The following BANK1 variants were observed in gnomAD, a reference collection of about 807,000 sequenced individuals.
BANK1 encodes the protein B cell scaffold protein with ankyrin repeats 1, also known as B-cell scaffold protein with ankyrin repeats.
In BANK1, 95 loss-of-function variants were observed where a neutral mutation model predicts 94.5. The observed-to-expected ratio is 1.00, with a 90% CI of 0.85 to 1.19. The LOEUF (loss-of-function observed/expected upper bound fraction) is 1.19. Among genes scored for constraint, BANK1 ranks in the 50% most tolerant of loss-of-function variants. The probability of loss-of-function intolerance (pLI) is 0.00; values close to 1 mark genes in which losing one functional copy is unlikely to be tolerated. For missense variants in BANK1, 987 were observed against 932.2 expected, an observed-to-expected ratio of 1.06 and a Z score of -0.77; for synonymous variants, 334 against 308.4, an observed-to-expected ratio of 1.08 and a Z score of -0.87.
chr4:101,953,328 A>G (rs1157617621), intron 7 of BANK1, among the ~76,000 whole-genome samples: 2 of 152,110 alleles, frequency 1.3e-5, no homozygotes, highest in African/African-American at 4.8e-5. Context: ...TCTACAGAAC[A>G]CTTAATGTTG....
chr4:101,886,929 C>A (rs1012413236), intron 5 of BANK1, among the ~76,000 whole-genome samples: 2 of 151,454 alleles, frequency 1.3e-5, no homozygotes, highest in African/African-American at 4.8e-5. Flanking sequence ...TTTTTCCTTT[C>A]TTACAGCATA....
At chr4:102,030,707 G>A (rs913677090) in intron 10 of BANK1, among the ~76,000 whole-genome samples, 42 of 151,384 alleles carry the variant, frequency 2.8e-4, no homozygotes, top group Admixed American at 8.0e-4. Flanking sequence ...TTCTGTTCTC[G>A]TGATAGTTTG....
rs17031989 is a variant in BANK1 at position 102,059,374 on chromosome 4, A to G, written c.1970-837A>G. ...AAAGTATGTTGCACTTAATGGAAAT[A>G]TGTAAATGAGAAGGTACAAACTCAA... is the stretch of plus-strand genomic sequence containing the variant. On this transcript the variant is annotated intron_variant, in intron 11 of 16. Coordinates refer to ENST00000322953, the MANE Select transcript of BANK1 (RefSeq NM_017935.5). Among the ~76,000 whole-genome samples, 892 of 152,328 alleles carry G rather than the reference A, an allele frequency of 5.9e-3. 27 individuals carry two copies. In the East Asian group the frequency reaches 0.066, roughly 11 times the overall value.
intron 2 of BANK1, among the ~76,000 whole-genome samples, chr4:101,842,654 G>A (rs766434290): frequency 4.6e-5 from 7 of 152,218 alleles, no homozygotes; most frequent in South Asian, 2.1e-4. Context: ...AGATATATAC[G>A]TACTCAAGTC....
At chr4:101,997,941 T>C (rs1291046446) in intron 7 of BANK1, among the ~76,000 whole-genome samples, 1 of 152,200 alleles carries the variant, frequency 6.6e-6, no homozygotes, top group Non-Finnish European at 1.5e-5. Context: ...ATCTTAGTTA[T>C]TTCTTGTCTT....
intron 7 of BANK1, among the ~76,000 whole-genome samples, chr4:101,979,987 G>T (rs944014420): frequency 6.6e-6 from 1 of 151,744 alleles, no homozygotes; most frequent in African/African-American, 2.4e-5. Context: ...CAATTTTGTG[G>T]TTGTTTTGTT....
At chr4:101,869,089 A>C (rs1728185321) in intron 4 of BANK1, among the ~76,000 whole-genome samples, 1 of 151,864 alleles carries the variant, frequency 6.6e-6, no homozygotes, top group South Asian at 2.1e-4. Flanking sequence ...GTATCAAAAA[A>C]CTACCAAGCA....
chr4:101,988,583 A>T (rs1193323141), intron 7 of BANK1, among the ~76,000 whole-genome samples: 1 of 152,108 alleles, frequency 6.6e-6, no homozygotes, highest in Non-Finnish European at 1.5e-5. Flanking sequence ...TTTCCTTCCC[A>T]CTATTATATT....
At chr4:101,929,792 G>C (rs896093814) in intron 7 of BANK1, among the ~76,000 whole-genome samples, 1 of 151,150 alleles carries the variant, frequency 6.6e-6, no homozygotes, top group African/African-American at 2.4e-5. Flanking sequence ...GTTGGGGGGG[G>C]ACTAAAAATG....
intron 2 of BANK1, among the ~76,000 whole-genome samples, chr4:101,845,492 G>A (rs1200974542): frequency 6.6e-6 from 1 of 152,100 alleles, no homozygotes; most frequent in African/African-American, 2.4e-5. Flanking sequence ...CTACTTGAGA[G>A]AAAACAACTG....
At position 101,933,299 on chromosome 4, in the gene BANK1, C is replaced by G. The variant is rs147289205; in HGVS notation, c.1206+15110C>G. Among the ~76,000 whole-genome samples, 47 of 131,666 alleles carry G rather than the reference C, an allele frequency of 3.6e-4. No individual in the cohort carries two copies. The East Asian group carries it at 0.01, about 29-fold the overall frequency. 86.4% of individuals were successfully genotyped at this position (131,666 alleles called of 152,430 possible). ...CGTATTCAATGGCCACCAGAGAGAC[C>G]GGTAAGAAAGGAGAAAAAAAAAAAA... is the stretch of plus-strand genomic sequence containing the variant. On this transcript the variant is annotated intron_variant, in intron 7 of 16. Coordinates refer to ENST00000322953, the MANE Select transcript of BANK1 (RefSeq NM_017935.5).
intron 9 of BANK1, among the ~76,000 whole-genome samples, chr4:102,028,593 G>A (rs188751009): frequency 5.9e-5 from 9 of 152,096 alleles, no homozygotes; most frequent in East Asian, 3.9e-4. Context: ...TCAGATTCTC[G>A]AAGGGCAAAT....
intron 7 of BANK1, among the ~76,000 whole-genome samples, chr4:102,004,243 G>T (rs1726173464): frequency 6.6e-6 from 1 of 152,068 alleles, no homozygotes; most frequent in South Asian, 2.1e-4. Flanking sequence ...TTGAATGAAT[G>T]AATGTATGTG....
In BANK1 at chr4:101,862,531, T is replaced by C; in HGVS notation, c.630T>C (p.Pro210=). 2 of 1,600,154 alleles carry C rather than the reference T, an allele frequency of 1.2e-6. No individual in the cohort carries two copies. The highest frequency in any genetic ancestry group is 1.7e-6 in the Non-Finnish European group (2 of 1,174,992). ...GTTACATTTTCATCTTACAGAATCC[T>C]GGTGAAATATTCATAATTTTGAGAG... is the stretch of plus-strand genomic sequence containing the variant. ...VLPTEIPCEN[P]GEIFIILRDE... is the part of the protein sequence containing the mutation. The change falls in exon 4 of 17, where the codon CCT becomes CCC. Residue 210 remains proline, a synonymous_variant. Coordinates refer to ENST00000322953, the MANE Select transcript of BANK1 (RefSeq NM_017935.5).
intron 5 of BANK1, among the ~76,000 whole-genome samples, chr4:101,883,758 C>T (rs912987258): frequency 2.0e-5 from 3 of 152,102 alleles, no homozygotes; most frequent in African/African-American, 7.2e-5. Context: ...TTAAAACAAT[C>T]CAGAAAAACA....
chr4:101,945,015 A>G (rs998463301), intron 7 of BANK1, among the ~76,000 whole-genome samples: 70 of 151,954 alleles, frequency 4.6e-4, no homozygotes, highest in Non-Finnish European at 7.2e-4. Context: ...CAGTTTTCTA[A>G]AGGGTGGGGC....
chr4:102,060,127 C>A, intron 11 of BANK1, 84 bp from the exon 12 acceptor site: 1 of 1,248,922 alleles, frequency 8.0e-7, no homozygotes, highest in East Asian at 2.7e-5. Context: ...AGAAGCTACT[C>A]CAATGGCTTA....
chr4:101,997,725 T>C (rs1725928646), intron 7 of BANK1, among the ~76,000 whole-genome samples: 1 of 152,212 alleles, frequency 6.6e-6, no homozygotes, highest in Non-Finnish European at 1.5e-5. Flanking sequence ...GTTTATAGTA[T>C]TCTCTGATGG....
At chr4:101,832,543 A>T (rs1229785977) in intron 2 of BANK1, among the ~76,000 whole-genome samples, 3 of 152,108 alleles carry the variant, frequency 2.0e-5, no homozygotes, top group Non-Finnish European at 4.4e-5. Flanking sequence ...ACCATTTTAT[A>T]CTTTCATGAG....
Sources: gnomAD v4.1 joint callset for allele counts (sites outside exome capture counted in the v4.1 genomes callset) on GRCh38, gnomAD v4.1.1 for gene constraint, MANE v1.5 for transcripts, NCBI Gene and HGNC (gene_info 2026-07-23, HGNC 2026-07-21) for gene names.